RCSD1: variants seen among roughly 807,000 people sequenced by gnomAD.
The protein encoded by RCSD1 is RCSD domain containing 1, also known as capZ-interacting protein.
Under a neutral mutation model 42.5 loss-of-function variants are expected in RCSD1, and 26 were observed. The observed-to-expected ratio is 0.61, with a 90% CI of 0.45 to 0.85. The LOEUF (loss-of-function observed/expected upper bound fraction) is 0.85, where lower values mean the gene tolerates loss of function less well. Ranked by LOEUF, RCSD1 falls within the 40% of genes least tolerant of loss-of-function variation. The pLI is 0.00. For synonymous variants in RCSD1, 220 were observed against 212.2 expected (o/e 1.04, Z -0.32); for missense variants, 571 against 528.3 (o/e 1.08, Z -0.79).
intron 3 of RCSD1, 68 bp from the exon 4 acceptor site, chr1:167,689,981 G>C: frequency 6.8e-7 from 1 of 1,477,030 alleles, no homozygotes; most frequent in Non-Finnish European, 9.4e-7. Flanking sequence ...TGTGGCTTTT[G>C]GGTTCCAACC....
intron 1 of RCSD1, among the ~76,000 whole-genome samples, chr1:167,676,409 G>A (rs1292082831): frequency 6.6e-6 from 1 of 152,156 alleles, no homozygotes; most frequent in African/African-American, 2.4e-5. Context: ...AGATGTTAAT[G>A]GCCTCATTTA....
chr1:167,641,192 C>G (rs1657995927), intron 1 of RCSD1, among the ~76,000 whole-genome samples: 1 of 152,116 alleles, frequency 6.6e-6, no homozygotes, highest in Non-Finnish European at 1.5e-5. Flanking sequence ...TGGAGCATTT[C>G]CATGAAGCCA....
chr1:167,697,421 G>A lies in RCSD1; in HGVS notation c.797G>A (p.Arg266Gln), dbSNP rs758889431. The change falls in exon 6 of 7, where the codon CGG (arginine) becomes CAG (glutamine). Residue 266 changes from arginine to glutamine, a missense_variant. Physicochemically the swap from Arg to Gln is conservative, Grantham distance 43. Coordinates refer to ENST00000367854, the MANE Select transcript of RCSD1 (RefSeq NM_052862.4). The stretch of plus-strand genomic sequence containing the variant: ...GCCAAGAACGGTGAAAAGGCCAGGC[G>A]GAGTTCAGAGGAGGTGGACGGCCAG... ...EEAKNGEKAR[R>Q]SSEEVDGQHP... 285 of 1,612,520 alleles carry A rather than the reference G, an allele frequency of 1.8e-4. 3 individuals are homozygous for A. The highest frequency in any genetic ancestry group is 1.4e-3 in the South Asian group (129 of 90,832).
intron 1 of RCSD1, among the ~76,000 whole-genome samples, chr1:167,647,104 T>C (rs957619507): frequency 5.6e-5 from 6 of 106,748 alleles, no homozygotes; most frequent in African/African-American, 2.0e-4. Context: ...CATTCCAGCC[T>C]GGGCAAAAAG....
intron 1 of RCSD1, among the ~76,000 whole-genome samples, chr1:167,657,286 A>G (rs191763812): frequency 2.0e-5 from 3 of 152,360 alleles, no homozygotes; most frequent in Admixed American, 2.0e-4. Flanking sequence ...CAAGACCTAC[A>G]GAAAATCAGG....
chr1:167,639,775 T>G (rs1394089417), intron 1 of RCSD1, among the ~76,000 whole-genome samples: 1 of 152,220 alleles, frequency 6.6e-6, no homozygotes, highest in East Asian at 1.9e-4. Flanking sequence ...ATTACAGGCA[T>G]GAGCCATGAT....
chr1:167,697,859 G>A lies in RCSD1; in HGVS notation c.1218+17G>A, dbSNP rs375880340. 36 of 1,452,926 alleles carry A rather than the reference G, an allele frequency of 2.5e-5. No homozygotes were observed. Among genetic ancestry groups the A allele is most frequent in the Middle Eastern group, 4.0e-4 (2 of 5,036 alleles). The allele number at this position is 1,452,926 out of a possible 1,614,324, so 90.0% of individuals were successfully genotyped here. A position where few individuals can be genotyped will look rare whatever the true frequency, so the allele number is the denominator to read the frequency against. On this transcript the variant is annotated intron_variant, in intron 6 of 6. Coordinates refer to ENST00000367854, the MANE Select transcript of RCSD1 (RefSeq NM_052862.4). The stretch of plus-strand genomic sequence containing the variant: ...AAGCCGGAGGTAGGTGGCCTGGCTC[G>A]TTCACATGCAGAAGGCAGTGCCAGG...
intron 1 of RCSD1, chr1:167,630,712 C>A (rs761302168): frequency 9.0e-4 from 29 of 32,230 alleles, no homozygotes; most frequent in East Asian, 1.8e-3. Flanking sequence ...TGGCTAGGAA[C>A]TTAAATGCTA....
chr1:167,666,320 C>T (rs6685521), intron 1 of RCSD1, among the ~76,000 whole-genome samples: 5,962 of 152,272 alleles, frequency 0.039, 163 homozygotes, highest in Non-Finnish European at 0.066. Flanking sequence ...AATTATGAAT[C>T]CATGTCACAG....
chr1:167,658,855 GC>G (rs948825873), intron 1 of RCSD1, among the ~76,000 whole-genome samples: 2 of 151,812 alleles, frequency 1.3e-5, no homozygotes, highest in Non-Finnish European at 2.9e-5. Context: ...ACTGCAGTTA[GC>G]CCCCATGGCT....
intron 1 of RCSD1, among the ~76,000 whole-genome samples, chr1:167,680,397 G>T (rs1659050063): frequency 6.6e-6 from 1 of 152,066 alleles, no homozygotes; most frequent in Non-Finnish European, 1.5e-5. Context: ...AGCAGACCAG[G>T]TCGGATGGGA....
At chr1:167,655,376 T>A (rs1658401692) in intron 1 of RCSD1, among the ~76,000 whole-genome samples, 1 of 152,196 alleles carries the variant, frequency 6.6e-6, no homozygotes, top group Non-Finnish European at 1.5e-5. Context: ...TTTTCTCTCC[T>A]CTTTTATTTT....
chr1:167,635,234 G>A (rs1657808053), intron 1 of RCSD1, among the ~76,000 whole-genome samples: 1 of 152,052 alleles, frequency 6.6e-6, no homozygotes, highest in Non-Finnish European at 1.5e-5. Context: ...GAGCTGATGG[G>A]CCGTAATTAG....
At position 167,704,651 on chromosome 1, in the gene RCSD1, C is replaced by G. The variant is rs1659715203; in HGVS notation, c.1219-13C>G. 1 of 1,611,422 alleles carries G rather than the reference C, an allele frequency of 6.2e-7. No individual in the cohort carries two copies. Among genetic ancestry groups the G allele is most frequent in the Non-Finnish European group, 8.5e-7 (1 of 1,177,958 alleles). ...CCATTTTCCTAATTAATTCTTTCCT[C>G]CCCTGTTCACAGGATGACACTCCTG... On this transcript the variant is annotated splice_polypyrimidine_tract_variant and intron_variant, in intron 6 of 6. Transcript: ENST00000367854.
chr1:167,702,817 A>G (rs1271930186), intron 6 of RCSD1, among the ~76,000 whole-genome samples: 2 of 152,218 alleles, frequency 1.3e-5, no homozygotes, highest in African/African-American at 4.8e-5. Context: ...ATACATAAAT[A>G]AAAATTTATC....
intron 1 of RCSD1, among the ~76,000 whole-genome samples, chr1:167,645,993 C>T (rs966193757): frequency 2.6e-5 from 4 of 152,024 alleles, no homozygotes; most frequent in South Asian, 2.1e-4. Context: ...GCCAAGGCAC[C>T]GGTGAGAGGT....
rs182367617 is a variant in RCSD1 at position 167,657,938 on chromosome 1, A to G, written c.7-25962A>G. Reference sequence around the variant, plus strand: ...ACATGCACGTTTTATTTTTGTTTTAATTTTTTAGAGACAGGGTCTCACTCT... The same window carrying G: ...ACATGCACGTTTTATTTTTGTTTTAGTTTTTTAGAGACAGGGTCTCACTCT... On this transcript the variant is annotated intron_variant, in intron 1 of 6. Coordinates refer to ENST00000367854, the MANE Select transcript of RCSD1 (RefSeq NM_052862.4). Among the ~76,000 whole-genome samples the G allele has an allele frequency of 5.3e-4, 80 of 151,374 alleles. 1 individual carries two copies. Among genetic ancestry groups the G allele is most frequent in the African/African-American group, 1.8e-3 (74 of 41,192 alleles).
At position 167,705,755 on chromosome 1, in the gene RCSD1, T is replaced by G. The variant is rs182599544; in HGVS notation, c.*1059T>G. ...GTGAGTTGGGGTCTTTAGTCTCTTCTTATTGGGTAGCTCTTGCTTTAATAT... is the reference window on the plus strand; with the variant it reads ...GTGAGTTGGGGTCTTTAGTCTCTTCGTATTGGGTAGCTCTTGCTTTAATAT... On this transcript the variant is annotated 3_prime_UTR_variant, in exon 7 of 7. Coordinates refer to ENST00000367854, the MANE Select transcript of RCSD1 (RefSeq NM_052862.4). 1 of 152,238 alleles carries G rather than the reference T, an allele frequency of 6.6e-6. No individual in the cohort carries two copies. The highest frequency in any genetic ancestry group is 1.5e-5 in the Non-Finnish European group (1 of 68,044). 9.4% of individuals were successfully genotyped at this position (152,238 alleles called of 1,614,324 possible).
intron 1 of RCSD1, among the ~76,000 whole-genome samples, chr1:167,672,968 T>C (rs1308591304): frequency 1.3e-5 from 2 of 152,134 alleles, no homozygotes; most frequent in African/African-American, 4.8e-5. Context: ...CCCGTGATAG[T>C]TGGGATAGGT....
Sources: gnomAD v4.1 joint callset for allele counts (sites outside exome capture counted in the v4.1 genomes callset) on GRCh38, gnomAD v4.1.1 for gene constraint, MANE v1.5 for transcripts, NCBI Gene and HGNC (gene_info 2026-07-23, HGNC 2026-07-21) for gene names.